NOP58: variants seen among roughly 807,000 people sequenced by gnomAD.
NOP58 encodes the protein NOP58 ribonucleoprotein.
In NOP58, 44 loss-of-function variants were observed where a neutral mutation model predicts 71.2. That is an observed-to-expected ratio of 0.62 (90% CI 0.49 to 0.79). The LOEUF is 0.79. NOP58 is among the 30% of genes least tolerant of loss of function. The pLI is 0.00. For synonymous variants in NOP58, 228 were observed against 200.3 expected (o/e 1.14, Z -1.17); for missense variants, 538 against 620.2 (o/e 0.87, Z 1.41).
At chr2:202,293,642 C>T (rs958373556) in intron 9 of NOP58, among the ~76,000 whole-genome samples, 3 of 152,144 alleles carry the variant, frequency 2.0e-5, no homozygotes, top group Admixed American at 6.5e-5. Flanking sequence ...AGTGCAGTGG[C>T]TCACTGCAAC....
intron 6 of NOP58, among the ~76,000 whole-genome samples, chr2:202,289,727 A>T (rs1262139297): frequency 6.6e-6 from 1 of 152,230 alleles, no homozygotes; most frequent in Non-Finnish European, 1.5e-5. Flanking sequence ...GATTCTGCTT[A>T]TATGAAGTAC....
At chr2:202,266,209 C>G (rs532219258) in intron 1 of NOP58, among the ~76,000 whole-genome samples, 228 of 152,182 alleles carry the variant, frequency 1.5e-3, no homozygotes, top group African/African-American at 5.2e-3. Flanking sequence ...TTATTTCCTC[C>G]CGTTGAAGGG....
chr2:202,287,887 G>T (rs141292937), intron 6 of NOP58, among the ~76,000 whole-genome samples, 163 bp downstream of exon 6: 5,067 of 152,082 alleles, frequency 0.033, 290 homozygotes, highest in African/African-American at 0.12. Flanking sequence ...GAGGCAGGCG[G>T]ATCACCTGAG....
intron 5 of NOP58, among the ~76,000 whole-genome samples, chr2:202,285,341 A>ATT (rs932875625): frequency 0.011 from 885 of 81,160 alleles, 4 homozygotes; most frequent in Non-Finnish European, 0.014. Flanking sequence ...CACACCCGGC[A>ATT]TTTTTTTTTT....
rs755744217 is a variant in NOP58 at position 202,302,967 on chromosome 2, T to C, written c.1449T>C (p.Ser483=). ...EEKVAEEEET[S]VKKKKKRGKK... is the part of the protein sequence containing the mutation. ...AAGTGGCAGAAGAAGAAGAAACATC[T>C]GTGAAGAAGAAGAAGAAAAGGGGTA... Residue 483 remains serine, a synonymous_variant, in exon 14 of 15, where the codon TCT becomes TCC. Coordinates refer to ENST00000264279, the MANE Select transcript of NOP58 (RefSeq NM_015934.5). 6.2e-7 allele frequency: 1 copy of C among 1,609,388 alleles called. No homozygotes were observed.
intron 10 of NOP58, among the ~76,000 whole-genome samples, chr2:202,296,746 T>TTTGG (rs1228913683): frequency 1.3e-5 from 2 of 151,878 alleles, no homozygotes; most frequent in Non-Finnish European, 2.9e-5. Context: ...TGTTTGTTTG[T>TTTGG]TTTTTGAGAT....
intron 2 of NOP58, chr2:202,276,587 C>A: frequency 2.4e-6 from 1 of 415,840 alleles, no homozygotes; most frequent in Non-Finnish European, 5.1e-6. Context: ...CACCTGTAAT[C>A]CCAGCATTTT....
Position 202,291,806 on chromosome 2 carries a change from C to CAAA in NOP58, c.780+557_780+559dup, listed in dbSNP as rs1161178890. On this transcript the variant is annotated intron_variant, in intron 8 of 14. Transcript: ENST00000264279. ...GGGCAACAAGAGCAAAACTCCATCT[C>CAAA]AAAAAAAAAAAAAAAAAAAAAAAGG... is the stretch of plus-strand genomic sequence containing the variant. Among the ~76,000 whole-genome samples, 411 of 41,336 alleles carry CAAA rather than the reference C, an allele frequency of 9.9e-3. 18 individuals are homozygous for CAAA. Among genetic ancestry groups the CAAA allele is most frequent in the Middle Eastern group, 0.033 (2 of 60 alleles). The allele number at this position is 41,336 out of a possible 152,430, so 27.1% of individuals were successfully genotyped here.
At chr2:202,302,021 A>T (rs968876221) in intron 13 of NOP58, among the ~76,000 whole-genome samples, 1 of 150,582 alleles carries the variant, frequency 6.6e-6, no homozygotes, top group Non-Finnish European at 1.5e-5. Context: ...AGAGTCTGAC[A>T]TGAATATTAT....
chr2:202,285,112 G>T (rs1483438803), intron 5 of NOP58, among the ~76,000 whole-genome samples: 1 of 152,052 alleles, frequency 6.6e-6, no homozygotes, highest in Admixed American at 6.6e-5. Flanking sequence ...CGTGATCTCT[G>T]CTCACTGCAG....
intron 9 of NOP58, among the ~76,000 whole-genome samples, chr2:202,294,082 A>G (rs1688949022): frequency 6.6e-6 from 1 of 151,204 alleles, no homozygotes; most frequent in Non-Finnish European, 1.5e-5. Context: ...TGAGAAGCTG[A>G]GGTGGGTGGG....
In NOP58 at chr2:202,278,011, A is replaced by G. The variant is rs755798306; in HGVS notation, c.175+9A>G. The G allele has an allele frequency of 1.3e-6, 2 of 1,525,604 alleles. No homozygotes were observed. The highest frequency in any genetic ancestry group is 1.8e-6 in the Non-Finnish European group (2 of 1,107,710). The allele number at this position is 1,525,604 out of a possible 1,614,324, so 94.5% of individuals were successfully genotyped here. On this transcript the variant is annotated intron_variant, in intron 3 of 14. Coordinates refer to ENST00000264279, the MANE Select transcript of NOP58 (RefSeq NM_015934.5). Reference sequence around the variant, plus strand: ...AGCAGAAGCATTAGCAGGTAAAGTAAAAAATTAGAAGCTTGCTTTTTTGAA... The same window carrying G: ...AGCAGAAGCATTAGCAGGTAAAGTAGAAAATTAGAAGCTTGCTTTTTTGAA...
chr2:202,297,814 G>A (rs763240102), intron 11 of NOP58, 31 bp from the exon 12 acceptor site: 5 of 1,254,138 alleles, frequency 4.0e-6, no homozygotes, highest in Middle Eastern at 1.9e-4. Flanking sequence ...TGACTTAGAA[G>A]TGTATTTGTA....
chr2:202,286,174 T>TC (rs1163430044), intron 5 of NOP58, among the ~76,000 whole-genome samples: 1 of 86,908 alleles, frequency 1.2e-5, no homozygotes, highest in East Asian at 3.2e-4. Context: ...AGAGTGAGAC[T>TC]CCATCTCAAA....
intron 1 of NOP58, among the ~76,000 whole-genome samples, chr2:202,273,119 C>T (rs573516134): frequency 8.2e-4 from 107 of 130,484 alleles, no homozygotes; most frequent in African/African-American, 2.2e-3. Flanking sequence ...AGCGAGACTC[C>T]GTCTCAATAA....
At chr2:202,300,509 T>G in intron 13 of NOP58, 142 bp downstream of exon 13, 1 of 638,450 alleles carries the variant, frequency 1.6e-6, no homozygotes, top group East Asian at 3.0e-5. Flanking sequence ...AATGCCATTA[T>G]GTTCTCTGGG....
In NOP58 at chr2:202,278,152, T is replaced by G. The variant is rs982710684; in HGVS notation, c.175+150T>G. The stretch of plus-strand genomic sequence containing the variant: ...CATTCTTATTGGAACTGAATTTAAG[T>G]GATCTGACTCATTCGTCACTACCAC... On this transcript the variant is annotated intron_variant, in intron 3 of 14. Coordinates refer to ENST00000264279, the MANE Select transcript of NOP58 (RefSeq NM_015934.5). The G allele has an allele frequency of 9.3e-5, 69 of 741,410 alleles. No individual in the cohort carries two copies. The East Asian group carries it at 1.7e-3, about 18-fold the overall frequency. The allele number at this position is 741,410 out of a possible 1,614,324, so 45.9% of individuals were successfully genotyped here.
intron 13 of NOP58, among the ~76,000 whole-genome samples, chr2:202,301,190 T>C (rs1026395253): frequency 1.4e-4 from 21 of 151,976 alleles, no homozygotes; most frequent in Non-Finnish European, 2.2e-4. Flanking sequence ...TTCCCCCCTC[T>C]TTTTTTACCC....
intron 6 of NOP58, among the ~76,000 whole-genome samples, chr2:202,288,504 T>C (rs1312456529): frequency 7.1e-6 from 1 of 141,418 alleles, no homozygotes; most frequent in African/African-American, 2.7e-5. Flanking sequence ...AAAAAAAAAA[T>C]CAAAATCTTA....
Sources: allele counts gnomAD v4.1 joint callset (sites outside exome capture counted in the v4.1 genomes callset), GRCh38; gene constraint gnomAD v4.1.1; transcripts MANE v1.5; gene names NCBI Gene and HGNC (gene_info 2026-07-23, HGNC 2026-07-21).